AHR: variants seen among roughly 807,000 people sequenced by gnomAD.
AHR encodes the protein aryl hydrocarbon receptor, also known as AH-receptor.
Under a neutral mutation model 86.8 loss-of-function variants are expected in AHR, and 40 were observed. The ratio of observed to expected loss-of-function variants is 0.46; its 90% CI spans 0.36 to 0.60. AHR has a LOEUF of 0.60. Among genes scored for constraint, AHR ranks in the 20% least tolerant of loss-of-function variants. The pLI is 0.00. For synonymous variants in AHR, 398 were observed against 354.9 expected, an observed-to-expected ratio of 1.12 and a Z score of -1.37; for missense variants, 1,001 against 1,011.6, an observed-to-expected ratio of 0.99 and a Z score of 0.14.
intron 2 of AHR, among the ~76,000 whole-genome samples, chr7:17,311,804 C>A (rs560324237): frequency 5.9e-5 from 9 of 152,268 alleles, no homozygotes; most frequent in African/African-American, 1.9e-4. Context: ...TAGCTATAGT[C>A]ATTTAGCTGA....
At chr7:17,314,562 T>C (rs1251001089) in intron 2 of AHR, among the ~76,000 whole-genome samples, 2 of 152,094 alleles carry the variant, frequency 1.3e-5, no homozygotes, top group Non-Finnish European at 2.9e-5. Flanking sequence ...AGAGAGCTAT[T>C]GTGTTTATTC....
chr7:17,330,237 T>A (rs917815574), intron 5 of AHR, among the ~76,000 whole-genome samples, 162 bp downstream of exon 5: 1 of 151,918 alleles, frequency 6.6e-6, no homozygotes, highest in Non-Finnish European at 1.5e-5. Context: ...AAGAGCCTGA[T>A]GAGCTAAGGA....
Position 17,305,300 on chromosome 7 carries a change from T to A in AHR, c.66-4636T>A, listed in dbSNP as rs182333226. ...TGTCACCTCCATTACATTAAGCACA[T>A]AGTTTATGATTGTAAATATTTGAAA... is the stretch of plus-strand genomic sequence containing the variant. On this transcript the variant is annotated intron_variant, in intron 1 of 10. Coordinates refer to ENST00000242057, the MANE Select transcript of AHR (RefSeq NM_001621.5). 2.6e-5 allele frequency among the ~76,000 whole-genome samples: 4 copies of A among 152,284 alleles called. No homozygotes were observed. In the East Asian group the frequency reaches 5.8e-4, roughly 22 times the overall value.
In AHR at chr7:17,334,902, A is replaced by G. The variant is rs937141789; in HGVS notation, c.924A>G (p.Leu308=). ...IGCDAKGRIV[L]GYTEAELCTR... ...TTTTAAACAGAGGAAGAATTGTTTTAGGATATACTGAAGCAGAGCTGTGCA... is the reference window on the plus strand; with the variant it reads ...TTTTAAACAGAGGAAGAATTGTTTTGGGATATACTGAAGCAGAGCTGTGCA... The change falls in exon 8 of 11, where the codon TTA becomes TTG. Residue 308 remains leucine (L), a synonymous_variant. Coordinates refer to ENST00000242057, the MANE Select transcript of AHR (RefSeq NM_001621.5). The G allele has an allele frequency of 8.1e-6, 13 of 1,609,536 alleles. No individual in the cohort carries two copies. Among genetic ancestry groups the G allele is most frequent in the Non-Finnish European group, 1.1e-5 (13 of 1,177,480 alleles).
intron 9 of AHR, among the ~76,000 whole-genome samples, chr7:17,338,394 C>A (rs1008750827): frequency 6.6e-6 from 1 of 152,014 alleles, no homozygotes; most frequent in East Asian, 1.9e-4. Context: ...CTTACTCTGT[C>A]ACCTATGCTG....
At position 17,329,918 on chromosome 7, in the gene AHR, C is replaced by T. The variant is rs762005241; in HGVS notation, c.451-34C>T. ...ATTTAGCCATATTTTTTAATCAGTC[C>T]TTTTGTTGTATTCCTTGTATCTTTT... On this transcript the variant is annotated intron_variant, in intron 4 of 10. Transcript: ENST00000242057. 5.7e-6 allele frequency: 9 copies of T among 1,576,564 alleles called. No individual in the cohort carries two copies. The South Asian group carries it at 6.9e-5, about 12-fold the overall frequency.
rs749409473 is a variant in AHR, at chr7:17,339,931, C to T, written c.2106C>T (p.Ser702=). ...TGCCTTATACACAGAACTTTATTTC[C>T]TGTAATCAGCCTGTATTACCACAAC... ...DSMPYTQNFI[S]CNQPVLPQHS... The change falls in exon 10 of 11, where the codon TCC becomes TCT. Residue 702 remains serine (S), a synonymous_variant. Coordinates refer to ENST00000242057, the MANE Select transcript of AHR (RefSeq NM_001621.5). The T allele has an allele frequency of 6.2e-7, 1 of 1,614,092 alleles. No homozygotes were observed. Among genetic ancestry groups the T allele is most frequent in the Non-Finnish European group, 8.5e-7 (1 of 1,180,036 alleles).
chr7:17,312,091 C>T (rs1342262481), intron 2 of AHR, among the ~76,000 whole-genome samples: 1 of 152,136 alleles, frequency 6.6e-6, no homozygotes, highest in African/African-American at 2.4e-5. Flanking sequence ...GTTTAGGAGC[C>T]ACTGCTGTAG....
intron 1 of AHR, among the ~76,000 whole-genome samples, chr7:17,306,433 G>T (rs750759522): frequency 6.6e-6 from 1 of 152,138 alleles, no homozygotes; most frequent in Non-Finnish European, 1.5e-5. Flanking sequence ...CATCTGAATT[G>T]TTAAGTTCTG....
chr7:17,314,308 T>A (rs576595620), intron 2 of AHR, among the ~76,000 whole-genome samples: 9 of 152,206 alleles, frequency 5.9e-5, no homozygotes, highest in Middle Eastern at 3.4e-3. Context: ...CTTAAAATAA[T>A]CACCATTTTA....
chr7:17,321,166 A>G (rs1782168504), intron 2 of AHR, among the ~76,000 whole-genome samples: 1 of 152,086 alleles, frequency 6.6e-6, no homozygotes, highest in South Asian at 2.1e-4. Context: ...TTCAAATATC[A>G]CAGGTTAAAA....
chr7:17,309,395 T>C lies in AHR; in HGVS notation c.66-541T>C, dbSNP rs536078922. Among the ~76,000 whole-genome samples, 5 of 152,344 alleles carry C rather than the reference T, an allele frequency of 3.3e-5. No individual in the cohort carries two copies. In the South Asian group the frequency reaches 1.0e-3, roughly 32 times the overall value. ...CACATTAGATGGCTGGAGGACCATCTGCAGGTGTCAGAGGGGCTTTGGGAC... is the reference window on the plus strand; with the variant it reads ...CACATTAGATGGCTGGAGGACCATCCGCAGGTGTCAGAGGGGCTTTGGGAC... On this transcript the variant is annotated intron_variant, in intron 1 of 10. Transcript: ENST00000242057.
chr7:17,314,776 G>A (rs531570119), intron 2 of AHR, among the ~76,000 whole-genome samples: 5 of 152,132 alleles, frequency 3.3e-5, no homozygotes, highest in Admixed American at 1.3e-4. Flanking sequence ...TCATTCATGA[G>A]AATTCTATAA....
At chr7:17,324,923 T>C (rs750384210) in intron 3 of AHR, among the ~76,000 whole-genome samples, 1 of 152,228 alleles carries the variant, frequency 6.6e-6, no homozygotes, top group Non-Finnish European at 1.5e-5. Flanking sequence ...TTACTTCACA[T>C]GTTTATTTCA....
intron 2 of AHR, among the ~76,000 whole-genome samples, chr7:17,316,758 AT>A (rs954746910): frequency 2.6e-5 from 4 of 151,600 alleles, no homozygotes; most frequent in Non-Finnish European, 4.4e-5. Flanking sequence ...TGTCAGCTGG[AT>A]TTTTTTTTAT....
chr7:17,330,806 C>A lies in AHR; in HGVS notation c.625C>A (p.Pro209Thr). Residue 209 changes from proline to threonine, a missense_variant, in exon 6 of 11, where the codon CCT (proline) becomes ACT (threonine). Pro to Thr is a conservative substitution (Grantham distance 38, BLOSUM62 -1). Coordinates refer to ENST00000242057, the MANE Select transcript of AHR (RefSeq NM_001621.5). ...TVVCYNPDQIPPENSPLMERC... is the reference protein window; with the variant it reads ...TVVCYNPDQITPENSPLMERC... ...AGTCTGTTATAACCCAGACCAGATT[C>A]CTCCAGAAAACTCTCCTTTAATGGA... 1 of 1,612,394 alleles carries A rather than the reference C, an allele frequency of 6.2e-7. No homozygotes were observed. The highest frequency in any genetic ancestry group is 8.5e-7 in the Non-Finnish European group (1 of 1,178,808).
At chr7:17,336,750 A>C (rs1449613545) in intron 9 of AHR, among the ~76,000 whole-genome samples, 1 of 152,178 alleles carries the variant, frequency 6.6e-6, no homozygotes, top group African/African-American at 2.4e-5. Context: ...GTGCATGGGT[A>C]TGTGTGTACC....
At chr7:17,320,526 C>T (rs192838802) in intron 2 of AHR, among the ~76,000 whole-genome samples, 129 of 152,100 alleles carry the variant, frequency 8.5e-4, no homozygotes, top group African/African-American at 2.6e-3. Context: ...CGTTTTTAGG[C>T]TTATTTCATA....
intron 6 of AHR, 122 bp downstream of exon 6, chr7:17,331,008 A>C: frequency 2.8e-6 from 3 of 1,062,648 alleles, no homozygotes; most frequent in Non-Finnish European, 1.3e-6. Context: ...AACCCTCAGA[A>C]CCAGAGAGCT....
Sources: gnomAD v4.1 joint callset for allele counts (sites outside exome capture counted in the v4.1 genomes callset) on GRCh38, gnomAD v4.1.1 for gene constraint, MANE v1.5 for transcripts, NCBI Gene and HGNC (gene_info 2026-07-23, HGNC 2026-07-21) for gene names.